The following MUC13 variants were observed in gnomAD, a reference collection of about 807,000 sequenced individuals.
MUC13 encodes the protein mucin-13.
In MUC13, 32 loss-of-function variants were observed where a neutral mutation model predicts 48.3. The ratio of observed to expected loss-of-function variants is 0.66; its 90% CI spans 0.50 to 0.89. The LOEUF is 0.89. MUC13 is among the 40% of genes least tolerant of loss of function. MUC13 has a pLI of 0.00. For missense variants in MUC13, 571 were observed against 622.8 expected, an observed-to-expected ratio of 0.92 and a Z score of 0.88; for synonymous variants, 199 against 224.9, an observed-to-expected ratio of 0.88 and a Z score of 1.03.
At chr3:124,916,973 A>G (rs1935520820) in intron 5 of MUC13, among the ~76,000 whole-genome samples, 1 of 152,104 alleles carries the variant, frequency 6.6e-6, no homozygotes, top group Non-Finnish European at 1.5e-5. Flanking sequence ...AAGGACCAGG[A>G]AGTCAGCAGG....
At position 124,908,330 on chromosome 3, in the gene MUC13, C is replaced by G; in HGVS notation, c.1356G>C (p.Lys452Asn). The G allele has an allele frequency of 1.2e-6, 2 of 1,614,082 alleles. 1 individual carries two copies. Among genetic ancestry groups the G allele is most frequent in the South Asian group, 2.2e-5 (2 of 91,070 alleles). The change falls in exon 11 of 12, where the codon AAG becomes AAC. Residue 452 changes from lysine (K) to asparagine (N), a missense_variant. Lys to Asn is a moderately conservative substitution (Grantham distance 94, BLOSUM62 0). Transcript: ENST00000616727. ...CAATCAAGTTCTCTTCTTCAATATG[C>G]TTCGTTTTGTTATTTGATCTGTAAT... ...IVTARSNNKT[K>N]HIEEENLIDE... is the part of the protein sequence containing the mutation.
At chr3:124,931,640 C>T (rs927065666) in intron 1 of MUC13, among the ~76,000 whole-genome samples, 8 of 151,538 alleles carry the variant, frequency 5.3e-5, no homozygotes, top group African/African-American at 7.3e-5. Flanking sequence ...CCCAGCCACT[C>T]GGGAAACTGA....
At chr3:124,926,343 G>C (rs1160548668) in intron 2 of MUC13, among the ~76,000 whole-genome samples, 1 of 152,156 alleles carries the variant, frequency 6.6e-6, no homozygotes, top group African/African-American at 2.4e-5. Flanking sequence ...TCATGGTAGG[G>C]CCAGAACACA....
chr3:124,910,684 C>T (rs1354390222), intron 9 of MUC13, among the ~76,000 whole-genome samples, 185 bp from the exon 10 acceptor site: 1 of 152,172 alleles, frequency 6.6e-6, no homozygotes, highest in Non-Finnish European at 1.5e-5. Flanking sequence ...ACCTCCTAAA[C>T]TGTGTCTTCA....
At chr3:124,911,553 T>G (rs558275961) in intron 9 of MUC13, among the ~76,000 whole-genome samples, 1 of 152,186 alleles carries the variant, frequency 6.6e-6, no homozygotes, top group Non-Finnish European at 1.5e-5. Context: ...CTTTAGTTCA[T>G]TATGTAAATT....
intron 7 of MUC13, 48 bp downstream of exon 7, chr3:124,913,514 G>A (rs1367745767): frequency 6.2e-7 from 1 of 1,611,810 alleles, no homozygotes; most frequent in Non-Finnish European, 8.5e-7. Flanking sequence ...TGCAAAAGAA[G>A]AGAAAGTGAT....
intron 9 of MUC13, among the ~76,000 whole-genome samples, chr3:124,911,264 T>C: frequency 6.6e-6 from 1 of 152,236 alleles, no homozygotes; most frequent in East Asian, 1.9e-4. Flanking sequence ...ACAACACTGC[T>C]CTAGACCTCT....
intron 6 of MUC13, among the ~76,000 whole-genome samples, chr3:124,914,213 C>A (rs956868703): frequency 4.0e-5 from 6 of 151,876 alleles, no homozygotes; most frequent in Non-Finnish European, 8.8e-5. Context: ...AGTTTGAGAC[C>A]AGCCTGACCA....
chr3:124,916,659 G>A (rs956920398), intron 5 of MUC13, among the ~76,000 whole-genome samples, 179 bp from the exon 6 acceptor site: 4 of 152,100 alleles, frequency 2.6e-5, no homozygotes, highest in African/African-American at 9.7e-5. Flanking sequence ...CAGGCTTGGA[G>A]GTCTCTATTT....
chr3:124,925,803 T>C (rs879587926), intron 2 of MUC13, among the ~76,000 whole-genome samples: 3 of 152,154 alleles, frequency 2.0e-5, no homozygotes, highest in African/African-American at 7.2e-5. Context: ...TCTGTAGAGA[T>C]GGGGTTTTGC....
At chr3:124,922,409 G>A (rs1329758245) in intron 3 of MUC13, 106 bp from the exon 4 acceptor site, 16 of 1,325,196 alleles carry the variant, frequency 1.2e-5, no homozygotes, top group African/African-American at 3.0e-5. Flanking sequence ...ATTATATAAC[G>A]ACACTACAGG....
At chr3:124,932,186 T>C (rs920844472) in intron 1 of MUC13, among the ~76,000 whole-genome samples, 1 of 152,246 alleles carries the variant, frequency 6.6e-6, no homozygotes, top group Non-Finnish European at 1.5e-5. Flanking sequence ...CATATACATC[T>C]GTATTGTTTG....
chr3:124,932,107 A>G (rs1001464128), intron 1 of MUC13, among the ~76,000 whole-genome samples: 12 of 152,226 alleles, frequency 7.9e-5, no homozygotes, highest in Non-Finnish European at 1.0e-4. Context: ...AGTAGCCACA[A>G]AACTGTCAGT....
rs547357099 is a variant in MUC13 at position 124,920,053 on chromosome 3, T to C, written c.800+181A>G. 9.8e-4 allele frequency: 639 copies of C among 654,140 alleles called. 4 individuals are homozygous for C. The highest frequency in any genetic ancestry group is 8.6e-3 in the Middle Eastern group (35 of 4,074). 40.5% of individuals were successfully genotyped at this position (654,140 alleles called of 1,614,324 possible). On this transcript the variant is annotated intron_variant, in intron 5 of 11. Coordinates refer to ENST00000616727, the MANE Select transcript of MUC13 (RefSeq NM_033049.4). Reference sequence around the variant, plus strand: ...GGCCATGCCCTGCCCAGAGTTGGGGTGACATCAGAGGCAGGGCCAAGGCAC... The same window carrying C: ...GGCCATGCCCTGCCCAGAGTTGGGGCGACATCAGAGGCAGGGCCAAGGCAC...
chr3:124,933,584 C>T (rs1468859540), intron 1 of MUC13, among the ~76,000 whole-genome samples: 4 of 152,152 alleles, frequency 2.6e-5, no homozygotes, highest in Non-Finnish European at 4.4e-5. Flanking sequence ...CAATTATTCT[C>T]CCTAATAATC....
At position 124,927,580 on chromosome 3, in the gene MUC13, G is replaced by C; in HGVS notation, c.466C>G (p.Pro156Ala). The C allele has an allele frequency of 6.2e-7, 1 of 1,614,200 alleles. No individual in the cohort carries two copies. Among genetic ancestry groups the C allele is most frequent in the South Asian group, 1.1e-5 (1 of 91,084 alleles). Residue 156 changes from proline to alanine, a missense_variant, in exon 2 of 12, where the codon CCT becomes GCT. By Grantham distance (27) the Pro-to-Ala change is conservative. Coordinates refer to ENST00000616727, the MANE Select transcript of MUC13 (RefSeq NM_033049.4). The part of the protein sequence containing the change: ...PTTEDNQSSG[P>A]PTGTALLETS... ...TCCAATAAAGCGGTGCCAGTGGGAG[G>C]CCCTGATGATTGATTGTCTTCTGTG...
chr3:124,927,838 C>A lies in MUC13; in HGVS notation c.208G>T (p.Ala70Ser). 5 of 1,613,996 alleles carry A rather than the reference C, an allele frequency of 3.1e-6. No individual in the cohort carries two copies. The South Asian group carries it at 5.5e-5, about 18-fold the overall frequency. Residue 70 changes from alanine (A) to serine (S), a missense_variant, in exon 2 of 12, where the codon GCT (alanine) becomes TCT (serine). Physicochemically the swap from Ala to Ser is moderately conservative, Grantham distance 99. Transcript: ENST00000616727. Reference sequence around the variant, plus strand: ...CTATGTGTACTAATTATGGGGGGAGCAGGTGAAGTAGCTGTTGGGAAAGAA... The same window carrying A: ...CTATGTGTACTAATTATGGGGGGAGAAGGTGAAGTAGCTGTTGGGAAAGAA... Reference protein sequence around the residue: ...TPSFPTATSPAPPIISTHSSS... With the variant: ...TPSFPTATSPSPPIISTHSSS...
Position 124,916,438 on chromosome 3 carries a change from C to T in MUC13, c.843G>A (p.Lys281=), listed in dbSNP as rs1935512821. ...TTGTTACTATTGTTACATTAACAAACTTGTCATCAGCACGCATTTCAGATC... is the reference window on the plus strand; with the variant it reads ...TTGTTACTATTGTTACATTAACAAATTTGTCATCAGCACGCATTTCAGATC... ...SPRSEMRADD[K]FVNVTIVTIL... is the part of the protein sequence containing the mutation. Residue 281 remains lysine, a synonymous_variant, in exon 6 of 12, where the codon AAG becomes AAA. Coordinates refer to ENST00000616727, the MANE Select transcript of MUC13 (RefSeq NM_033049.4). The T allele has an allele frequency of 1.9e-6, 3 of 1,613,530 alleles. No homozygotes were observed. Among genetic ancestry groups the T allele is most frequent in the African/African-American group, 2.7e-5 (2 of 74,924 alleles).
intron 4 of MUC13, among the ~76,000 whole-genome samples, chr3:124,921,426 C>T (rs767782894): frequency 1.5e-4 from 23 of 152,168 alleles, no homozygotes; most frequent in Non-Finnish European, 3.1e-4. Context: ...GCTAGGATTA[C>T]GGACATGAGC....
Sources: gnomAD v4.1 joint callset for allele counts (sites outside exome capture counted in the v4.1 genomes callset) on GRCh38, gnomAD v4.1.1 for gene constraint, MANE v1.5 for transcripts, NCBI Gene and HGNC (gene_info 2026-07-23, HGNC 2026-07-21) for gene names.